INPP4B: variants seen among roughly 807,000 people sequenced by gnomAD.
INPP4B encodes the protein inositol polyphosphate 4-phosphatase type II.
In INPP4B, 55 loss-of-function variants were observed where a neutral mutation model predicts 122.5. The ratio of observed to expected loss-of-function variants is 0.45; its 90% CI spans 0.36 to 0.56. The LOEUF is 0.56. INPP4B is among the 20% of genes least tolerant of loss of function. The pLI is 0.00. For missense variants in INPP4B, 1,000 were observed against 1,097.7 expected, an observed-to-expected ratio of 0.91 and a Z score of 1.26; for synonymous variants, 403 against 388.7, an observed-to-expected ratio of 1.04 and a Z score of -0.43.
At chr4:142,030,803 T>C (rs1299080449) in intron 25 of INPP4B, among the ~76,000 whole-genome samples, 1 of 152,162 alleles carries the variant, frequency 6.6e-6, no homozygotes, top group African/African-American at 2.4e-5. Context: ...ATAAAAATGA[T>C]TTATTGAAAT....
At chr4:142,801,937 A>G (rs1438816871) in intron 1 of INPP4B, among the ~76,000 whole-genome samples, 1 of 152,168 alleles carries the variant, frequency 6.6e-6, no homozygotes, top group Admixed American at 6.5e-5. Flanking sequence ...ATGGATCTGA[A>G]TCTCAGGAAA....
chr4:142,305,350 A>G (rs1353126369), intron 9 of INPP4B, 108 bp downstream of exon 9: 1 of 788,844 alleles, frequency 1.3e-6, no homozygotes. Context: ...GCTATTTGAG[A>G]ACTGACATCT....
At chr4:142,211,252 A>G (rs991760771) in intron 12 of INPP4B, among the ~76,000 whole-genome samples, 1 of 152,246 alleles carries the variant, frequency 6.6e-6, no homozygotes, top group African/African-American at 2.4e-5. Flanking sequence ...TAAAAAGGAA[A>G]GAAATTAATA....
At chr4:142,687,793 G>C (rs1471631696) in intron 2 of INPP4B, among the ~76,000 whole-genome samples, 17 of 151,954 alleles carry the variant, frequency 1.1e-4, no homozygotes, top group Admixed American at 1.1e-3. Context: ...GATGTTGGGG[G>C]ACTCTCAGGC....
At chr4:142,467,308 A>G (rs1817969453) in intron 2 of INPP4B, among the ~76,000 whole-genome samples, 1 of 152,224 alleles carries the variant, frequency 6.6e-6, no homozygotes, top group Non-Finnish European at 1.5e-5. Flanking sequence ...CCACAGGGGC[A>G]GGGCTTCCTC....
chr4:142,769,746 C>G (rs1580872599), intron 1 of INPP4B, among the ~76,000 whole-genome samples: 1 of 151,854 alleles, frequency 6.6e-6, no homozygotes, highest in East Asian at 1.9e-4. Context: ...AAAACCCCAT[C>G]TCTACTAAAA....
chr4:142,820,724 CG>C (rs2151152257), intron 1 of INPP4B, among the ~76,000 whole-genome samples: 1 of 152,152 alleles, frequency 6.6e-6, no homozygotes, highest in Non-Finnish European at 1.5e-5. Context: ...CAAGCTGTGA[CG>C]GTGTTGAGAA....
At chr4:142,232,679 A>T (rs1360868944) in intron 12 of INPP4B, among the ~76,000 whole-genome samples, 2 of 152,120 alleles carry the variant, frequency 1.3e-5, no homozygotes, top group African/African-American at 4.8e-5. Flanking sequence ...AGAAATGATT[A>T]AAGTGAGGAA....
intron 2 of INPP4B, among the ~76,000 whole-genome samples, chr4:142,725,190 GT>G (rs1765182247): frequency 6.6e-6 from 1 of 152,032 alleles, no homozygotes; most frequent in African/African-American, 2.4e-5. Context: ...ATTTGCATGA[GT>G]TTTCATATTC....
chr4:142,542,199 T>C (rs558569024), intron 2 of INPP4B, among the ~76,000 whole-genome samples: 2 of 152,302 alleles, frequency 1.3e-5, no homozygotes, highest in Non-Finnish European at 2.9e-5. Context: ...TCTCCTTACA[T>C]CTATTATTGG....
At chr4:142,750,396 C>G (rs1429203225) in intron 1 of INPP4B, among the ~76,000 whole-genome samples, 2 of 151,902 alleles carry the variant, frequency 1.3e-5, no homozygotes, top group East Asian at 1.9e-4. Flanking sequence ...CCAAACTGCC[C>G]CATGAAAGAG....
At chr4:142,797,020 G>A (rs748581922) in intron 1 of INPP4B, among the ~76,000 whole-genome samples, 2 of 151,780 alleles carry the variant, frequency 1.3e-5, no homozygotes, top group African/African-American at 4.8e-5. Flanking sequence ...TAAACATATT[G>A]CCACCGTAAA....
At chr4:142,629,496 G>A (rs1747423182) in intron 2 of INPP4B, among the ~76,000 whole-genome samples, 1 of 152,034 alleles carries the variant, frequency 6.6e-6, no homozygotes, top group South Asian at 2.1e-4. Flanking sequence ...TAGAGTGCGT[G>A]AGTGTATGCA....
chr4:142,161,960 C>A (rs1397973586), intron 16 of INPP4B, among the ~76,000 whole-genome samples: 1 of 151,760 alleles, frequency 6.6e-6, no homozygotes, highest in African/African-American at 2.4e-5. Context: ...ACACTACTCA[C>A]CACCCGCCAT....
intron 11 of INPP4B, among the ~76,000 whole-genome samples, chr4:142,249,564 T>C (rs762096495): frequency 1.1e-4 from 16 of 152,086 alleles, no homozygotes; most frequent in Admixed American, 5.2e-4. Context: ...AGGAGAACAA[T>C]GCAAACACTA....
intron 2 of INPP4B, among the ~76,000 whole-genome samples, chr4:142,642,024 T>A (rs1045955342): frequency 3.9e-5 from 6 of 152,272 alleles, no homozygotes; most frequent in African/African-American, 1.4e-4. Context: ...CCAGTGATGA[T>A]GAGCATTTTT....
intron 11 of INPP4B, among the ~76,000 whole-genome samples, chr4:142,258,412 A>G (rs1290655121): frequency 6.6e-6 from 1 of 152,060 alleles, no homozygotes; most frequent in Non-Finnish European, 1.5e-5. Flanking sequence ...CAGAGTGAAC[A>G]GGCAACCTAC....
chr4:142,524,846 C>A (rs1180964385), intron 2 of INPP4B, among the ~76,000 whole-genome samples: 1 of 151,492 alleles, frequency 6.6e-6, no homozygotes, highest in Non-Finnish European at 1.5e-5. Context: ...GATGCCCTCT[C>A]TCACCACTCC....
chr4:142,565,995 A>G (rs1373398245), intron 2 of INPP4B: 1 of 152,238 alleles, frequency 6.6e-6, no homozygotes, highest in Non-Finnish European at 1.5e-5. Flanking sequence ...TGTTAGAGGC[A>G]CTTTCAGTTT....
Sources: gnomAD v4.1 joint callset for allele counts (sites outside exome capture counted in the v4.1 genomes callset) on GRCh38, gnomAD v4.1.1 for gene constraint, MANE v1.5 for transcripts, NCBI Gene and HGNC (gene_info 2026-07-23, HGNC 2026-07-21) for gene names.